RERG: variants seen among roughly 807,000 people sequenced by gnomAD.
RERG encodes the protein ras-related and estrogen-regulated growth inhibitor.
RERG carries 25 observed loss-of-function variants against 23.2 expected under a neutral mutation model. The observed-to-expected ratio is 1.08, with a 90% CI of 0.79 to 1.50. The LOEUF is 1.50. RERG is among the 40% of genes most tolerant of loss of function. The pLI is 0.00. For missense variants in RERG, 253 were observed against 250.1 expected (o/e 1.01, Z -0.08); for synonymous variants, 81 against 89.1 (o/e 0.91, Z 0.51).
At chr12:15,139,433 T>C (rs1335161938) in intron 2 of RERG, among the ~76,000 whole-genome samples, 1 of 152,132 alleles carries the variant, frequency 6.6e-6, no homozygotes, top group East Asian at 1.9e-4. Context: ...CTTAACAATA[T>C]TGAGTCTTCC....
At chr12:15,166,735 G>T (rs1864698810) in intron 2 of RERG, among the ~76,000 whole-genome samples, 1 of 151,152 alleles carries the variant, frequency 6.6e-6, no homozygotes, top group Admixed American at 6.6e-5. Flanking sequence ...AGAATGTTGT[G>T]TCAACCACTA....
intron 2 of RERG, among the ~76,000 whole-genome samples, chr12:15,181,564 C>T (rs1864922835): frequency 6.6e-6 from 1 of 152,204 alleles, no homozygotes; most frequent in East Asian, 1.9e-4. Context: ...CCCTCTCCTC[C>T]ATTTCTCCGT....
chr12:15,163,683 G>C (rs1489861556), intron 2 of RERG, among the ~76,000 whole-genome samples: 1 of 152,168 alleles, frequency 6.6e-6, no homozygotes, highest in Non-Finnish European at 1.5e-5. Context: ...GGCAACAGGA[G>C]AAAACTGTAA....
intron 2 of RERG, among the ~76,000 whole-genome samples, chr12:15,165,489 G>A (rs1864673939): frequency 6.6e-6 from 1 of 152,154 alleles, no homozygotes; most frequent in African/African-American, 2.4e-5. Context: ...GGGTGATGTG[G>A]GATTCTCAGC....
chr12:15,216,724 T>C (rs927099129), intron 2 of RERG, among the ~76,000 whole-genome samples: 2 of 152,234 alleles, frequency 1.3e-5, no homozygotes, highest in Admixed American at 6.5e-5. Flanking sequence ...TCTTTAATTA[T>C]AAGATCGAAG....
chr12:15,161,802 C>T (rs1328420232), intron 2 of RERG, among the ~76,000 whole-genome samples: 1 of 152,066 alleles, frequency 6.6e-6, no homozygotes, highest in African/African-American at 2.4e-5. Flanking sequence ...ATATTGTTGA[C>T]CATTTACCAT....
At chr12:15,214,270 T>C (rs989944880) in intron 2 of RERG, among the ~76,000 whole-genome samples, 2 of 152,222 alleles carry the variant, frequency 1.3e-5, no homozygotes, top group Non-Finnish European at 2.9e-5. Flanking sequence ...GATGCTATTA[T>C]ATGTTCTTCA....
chr12:15,208,948 T>TA (rs60665602), intron 2 of RERG, among the ~76,000 whole-genome samples: 55 of 148,052 alleles, frequency 3.7e-4, no homozygotes, highest in Middle Eastern at 3.6e-3. Context: ...TACTGATACT[T>TA]AAAAAAAAAA....
intron 2 of RERG, among the ~76,000 whole-genome samples, chr12:15,171,163 T>C (rs1029424839): frequency 4.6e-5 from 7 of 152,172 alleles, no homozygotes; most frequent in Non-Finnish European, 8.8e-5. Context: ...TTCACCCACT[T>C]AGGAGGCTAT....
chr12:15,109,991 TTC>T (rs1238335639), intron 4 of RERG, among the ~76,000 whole-genome samples: 1 of 152,246 alleles, frequency 6.6e-6, no homozygotes, highest in East Asian at 1.9e-4. Context: ...TGTTTTAATT[TTC>T]TCTTTCTTCA....
chr12:15,209,994 C>T (rs183368519), intron 2 of RERG, among the ~76,000 whole-genome samples: 55 of 152,226 alleles, frequency 3.6e-4, no homozygotes, highest in Middle Eastern at 3.4e-3. Context: ...ACTGCCCTGC[C>T]TTTACAATAT....
intron 2 of RERG, among the ~76,000 whole-genome samples, chr12:15,130,206 T>C (rs1040113331): frequency 1.3e-5 from 2 of 152,194 alleles, no homozygotes; most frequent in Non-Finnish European, 2.9e-5. Flanking sequence ...CCATAAGCAG[T>C]GGACATCAAA....
intron 3 of RERG, among the ~76,000 whole-genome samples, chr12:15,118,503 T>C (rs1863771966): frequency 6.6e-6 from 1 of 152,182 alleles, no homozygotes; most frequent in African/African-American, 2.4e-5. Context: ...TTTGAAACTT[T>C]TAGTCAAAGT....
rs1262447019 is a variant in RERG, at chr12:15,166,523, ATGGTGGTGGTGGTGGTGGTAG to A, written c.62-45425_62-45405del. Among the ~76,000 whole-genome samples, 11 of 148,958 alleles carry A rather than the reference ATGGTGGTGGTGGTGGTGGTAG, an allele frequency of 7.4e-5. No homozygotes were observed. In the East Asian group the frequency reaches 7.9e-4, roughly 11 times the overall value. ...GATGGGGATGGTGGTGATGGTGGTG[ATGGTGGTGGTGGTGGTGGTAG>A]TGGTGTTGGTGGTGGTGTTGGTGGT... On this transcript the variant is annotated intron_variant, in intron 2 of 4. Coordinates refer to ENST00000256953, the MANE Select transcript of RERG (RefSeq NM_032918.3).
At chr12:15,165,303 ACTT>A (rs1008550058) in intron 2 of RERG, among the ~76,000 whole-genome samples, 3 of 152,172 alleles carry the variant, frequency 2.0e-5, no homozygotes, top group Non-Finnish European at 4.4e-5. Context: ...TGTACCAAAC[ACTT>A]CTTCTAGCCA....
chr12:15,178,692 C>G (rs1032709301), intron 2 of RERG, among the ~76,000 whole-genome samples: 1 of 152,082 alleles, frequency 6.6e-6, no homozygotes, highest in African/African-American at 2.4e-5. Flanking sequence ...AATGACTGCA[C>G]TGAAAGGAGA....
intron 2 of RERG, among the ~76,000 whole-genome samples, chr12:15,181,209 T>C (rs1363362711): frequency 1.3e-5 from 2 of 152,324 alleles, no homozygotes; most frequent in East Asian, 3.9e-4. Context: ...AGACTGATAA[T>C]GACTGAGTCA....
intron 2 of RERG, among the ~76,000 whole-genome samples, chr12:15,152,738 G>A (rs908547686): frequency 1.3e-5 from 2 of 152,032 alleles, no homozygotes; most frequent in Non-Finnish European, 2.9e-5. Context: ...CCTTCACATG[G>A]TATTTGAAGT....
intron 2 of RERG, among the ~76,000 whole-genome samples, chr12:15,175,357 G>GTGTGTA (rs1864835066): frequency 6.7e-6 from 1 of 149,264 alleles, no homozygotes; most frequent in Admixed American, 6.7e-5. Context: ...GTGTGTGTGT[G>GTGTGTA]TGTGTGTGTG....
Sources: allele counts gnomAD v4.1 joint callset (sites outside exome capture counted in the v4.1 genomes callset), GRCh38; gene constraint gnomAD v4.1.1; transcripts MANE v1.5; gene names NCBI Gene and HGNC (gene_info 2026-07-23, HGNC 2026-07-21).